The following GNE variants were observed in gnomAD, a reference collection of about 807,000 sequenced individuals.
The protein encoded by GNE is bifunctional UDP-N-acetylglucosamine 2-epimerase/N-acetylmannosamine kinase.
A neutral mutation model predicts 61.8 loss-of-function variants in GNE; 41 were observed. That is an observed-to-expected ratio of 0.66 (90% CI 0.52 to 0.86). The LOEUF (loss-of-function observed/expected upper bound fraction) is 0.86. Among genes scored for constraint, GNE ranks in the 40% least tolerant of loss-of-function variants. The pLI, the probability that GNE is intolerant of heterozygous loss-of-function variation, is 0.00. For synonymous variants in GNE, 264 were observed against 326.4 expected (o/e 0.81, Z 2.06); for missense variants, 608 against 909.1 (o/e 0.67, Z 4.26).
intron 3 of GNE, among the ~76,000 whole-genome samples, chr9:36,243,192 A>T (rs1829719739): frequency 6.6e-6 from 1 of 152,068 alleles, no homozygotes; most frequent in South Asian, 2.1e-4. Context: ...CTACAGGCAC[A>T]CACCATCACA....
chr9:36,237,907 C>T (rs1418194661), intron 3 of GNE, among the ~76,000 whole-genome samples: 2 of 152,098 alleles, frequency 1.3e-5, no homozygotes, highest in Non-Finnish European at 2.9e-5. Flanking sequence ...TGAGAGCATA[C>T]AATGTTTGGT....
chr9:36,228,546 G>A (rs190419418), intron 6 of GNE, among the ~76,000 whole-genome samples: 3 of 151,656 alleles, frequency 2.0e-5, no homozygotes, highest in Non-Finnish European at 2.9e-5. Context: ...TAATCCCAGC[G>A]CTTTGGGAGG....
Position 36,216,098 on chromosome 9 carries a change from A to G in GNE, c.*1267T>C, listed in dbSNP as rs945386370. On this transcript the variant is annotated 3_prime_UTR_variant, in exon 12 of 12. Transcript: ENST00000642385. ...TAACATCTTTCAACAAATGGTATCC[A>G]GGATTAGGGGGGATATCTGAGATGG... 9.3e-6 allele frequency: 3 copies of G among 322,968 alleles called. No individual in the cohort carries two copies. In the Admixed American group the frequency reaches 1.1e-4, roughly 12 times the overall value. The allele number at this position is 322,968 out of a possible 1,614,324, so 20.0% of individuals were successfully genotyped here. A position where few individuals can be genotyped will look rare whatever the true frequency, so the allele number is the denominator to read the frequency against.
chr9:36,238,051 T>C (rs1382937326), intron 3 of GNE, among the ~76,000 whole-genome samples: 4 of 151,280 alleles, frequency 2.6e-5, no homozygotes, highest in African/African-American at 4.9e-5. Flanking sequence ...TGTAGATATA[T>C]AGATGTAGAT....
At chr9:36,235,271 C>T (rs913446830) in intron 4 of GNE, among the ~76,000 whole-genome samples, 3 of 152,174 alleles carry the variant, frequency 2.0e-5, no homozygotes, top group Non-Finnish European at 4.4e-5. Context: ...ATTCAGGTTT[C>T]GATTCAGTTG....
chr9:36,264,303 T>C (rs1352899614), intron 1 of GNE, among the ~76,000 whole-genome samples: 2 of 151,950 alleles, frequency 1.3e-5, no homozygotes, highest in Non-Finnish European at 2.9e-5. Context: ...CGGCTAAGTT[T>C]TTTTGTATTT....
upstream of GNE, among the ~76,000 whole-genome samples, chr9:36,261,882 C>T (rs763859290): frequency 2.0e-5 from 3 of 149,854 alleles, no homozygotes; most frequent in Non-Finnish European, 4.4e-5. Flanking sequence ...GAGATCGCGC[C>T]ACTGCACTCC....
chr9:36,226,443 C>G (rs1162704315), intron 7 of GNE, among the ~76,000 whole-genome samples: 1 of 152,098 alleles, frequency 6.6e-6, no homozygotes, highest in Non-Finnish European at 1.5e-5. Context: ...CTGGACTTCC[C>G]AAAGTGCTGG....
rs550399627 is a variant in GNE, at chr9:36,217,124, C to T, written c.*241G>A. ...TTGGCACAGAAAATTGTGACTGTAA[C>T]TTACAGGGTTTGAGCTAAAATGACC... On this transcript the variant is annotated 3_prime_UTR_variant, in exon 12 of 12. Transcript: ENST00000642385. The T allele has an allele frequency of 1.3e-5, 7 of 542,846 alleles. No individual in the cohort carries two copies. The highest frequency in any genetic ancestry group is 6.2e-5 in the Admixed American group (2 of 32,336). 33.6% of individuals were successfully genotyped at this position (542,846 alleles called of 1,614,324 possible).
At chr9:36,270,738 C>T (rs1342498998) in intron 1 of GNE, among the ~76,000 whole-genome samples, 4 of 151,696 alleles carry the variant, frequency 2.6e-5, no homozygotes, top group East Asian at 1.9e-4. Flanking sequence ...AGGATGGTCT[C>T]GATCTCCTGA....
intron 1 of GNE, among the ~76,000 whole-genome samples, chr9:36,253,994 A>G (rs10814360): frequency 0.76 from 116,006 of 151,716 alleles, 44,848 homozygotes; most frequent in Non-Finnish European, 0.8. Flanking sequence ...CCGAGATTAC[A>G]CCATTGCATT....
At chr9:36,273,119 T>C (rs116432789) in intron 1 of GNE, among the ~76,000 whole-genome samples, 194 of 152,090 alleles carry the variant, frequency 1.3e-3, no homozygotes, top group African/African-American at 4.6e-3. Context: ...TTTGGATATG[T>C]TGAATTTGTA....
chr9:36,257,691 T>C (rs1830422085), intron 1 of GNE, among the ~76,000 whole-genome samples: 1 of 149,636 alleles, frequency 6.7e-6, no homozygotes, highest in South Asian at 2.1e-4. Flanking sequence ...TAGTCCCAGC[T>C]ACTCGGGAGG....
intron 1 of GNE, among the ~76,000 whole-genome samples, chr9:36,257,685 C>T (rs1266031254): frequency 6.6e-6 from 1 of 150,718 alleles, no homozygotes; most frequent in Non-Finnish European, 1.5e-5. Context: ...CGCCTGTAGT[C>T]CCAGCTACTC....
chr9:36,265,211 G>C (rs564824345), intron 1 of GNE: 9 of 351,948 alleles, frequency 2.6e-5, no homozygotes, highest in Admixed American at 3.5e-5. Context: ...TGGGTTCTAC[G>C]GTTCTCTTCC....
At chr9:36,227,189 A>T (rs1323707276) in intron 7 of GNE, 59 bp downstream of exon 7, 14 of 885,556 alleles carry the variant, frequency 1.6e-5, no homozygotes, top group South Asian at 7.3e-5. Flanking sequence ...ATATATACTT[A>T]AAAAAAAAAT....
chr9:36,271,371 CT>C (rs1184488592), intron 1 of GNE, among the ~76,000 whole-genome samples: 1 of 152,140 alleles, frequency 6.6e-6, no homozygotes, highest in Non-Finnish European at 1.5e-5. Context: ...TCATCTCAAA[CT>C]TTTTGTTTCA....
chr9:36,238,950 G>C (rs1473119246), intron 3 of GNE, among the ~76,000 whole-genome samples: 1 of 152,094 alleles, frequency 6.6e-6, no homozygotes, highest in Non-Finnish European at 1.5e-5. Flanking sequence ...CCTACATGTG[G>C]CCAGCGAATT....
chr9:36,244,673 C>T lies in GNE; in HGVS notation c.616+1358G>A, dbSNP rs557049868. ...TAAAAATGAGCCAGGCGCGGTGGCT[C>T]ATGCCTGTAATCTCAGCACTTTGGG... On this transcript the variant is annotated intron_variant, in intron 3 of 11. Coordinates refer to ENST00000642385, the MANE Select transcript of GNE (RefSeq NM_005476.7). Among the ~76,000 whole-genome samples, 7 of 152,150 alleles carry T rather than the reference C, an allele frequency of 4.6e-5. No individual in the cohort carries two copies. The South Asian group carries it at 1.5e-3, about 32-fold the overall frequency.
Sources: gnomAD v4.1 joint callset for allele counts (sites outside exome capture counted in the v4.1 genomes callset) on GRCh38, gnomAD v4.1.1 for gene constraint, MANE v1.5 for transcripts, NCBI Gene and HGNC (gene_info 2026-07-23, HGNC 2026-07-21) for gene names.